WLS: variants seen among roughly 807,000 people sequenced by gnomAD.
The protein encoded by WLS is Wnt ligand secretion mediator.
Under a neutral mutation model 62.8 loss-of-function variants are expected in WLS, and 23 were observed. That is an observed-to-expected ratio of 0.37 (90% CI 0.26 to 0.52). The LOEUF (loss-of-function observed/expected upper bound fraction) is 0.52. Ranked by LOEUF, WLS falls within the 20% of genes least tolerant of loss-of-function variation. The probability of loss-of-function intolerance (pLI) is 0.92; values close to 1 mark genes in which losing one functional copy is unlikely to be tolerated. For missense variants in WLS, 615 were observed against 697.3 expected (o/e 0.88, Z 1.33); for synonymous variants, 246 against 244.1 (o/e 1.01, Z -0.07).
intron 11 of WLS, among the ~76,000 whole-genome samples, chr1:68,101,669 G>T (rs1646080157): frequency 6.6e-6 from 1 of 152,134 alleles, no homozygotes; most frequent in Non-Finnish European, 1.5e-5. Flanking sequence ...TTAAGATGCT[G>T]CTTACTAAAT....
At chr1:68,152,073 C>G (rs1429559530) in intron 5 of WLS, among the ~76,000 whole-genome samples, 1 of 152,138 alleles carries the variant, frequency 6.6e-6, no homozygotes, top group African/African-American at 2.4e-5. Context: ...TACAGGATGA[C>G]TCACTGCTAC....
intron 1 of WLS, chr1:68,231,681 G>A: frequency 2.2e-6 from 1 of 455,546 alleles, no homozygotes; most frequent in South Asian, 1.6e-5. Context: ...CCCTAGCAAA[G>A]ACGACCAAAT....
Position 68,193,965 on chromosome 1 carries a change from G to A in WLS, c.369C>T (p.Asn123=). ...ILQLDIAFKL[N]NQIRENAEVS... ...GAGAGTACACTTAACTGATTTGGTT[G>A]TTTAGCTTGAAGGCAATGTCCAGCT... The change falls in exon 2 of 12, where the codon AAC becomes AAT. Residue 123 remains asparagine, a synonymous_variant. Transcript: ENST00000262348. 6.2e-7 allele frequency: 1 copy of A among 1,613,770 alleles called. No homozygotes were observed. Among genetic ancestry groups the A allele is most frequent in the Non-Finnish European group, 8.5e-7 (1 of 1,179,728 alleles).
chr1:68,105,516 C>G (rs1646131852), intron 11 of WLS, among the ~76,000 whole-genome samples: 1 of 152,150 alleles, frequency 6.6e-6, no homozygotes, highest in Non-Finnish European at 1.5e-5. Flanking sequence ...TGAGTAGCAA[C>G]TTTGAAAATT....
intron 1 of WLS, among the ~76,000 whole-genome samples, chr1:68,207,351 T>C (rs1028540869): frequency 7.2e-5 from 11 of 152,164 alleles, no homozygotes; most frequent in Non-Finnish European, 1.5e-4. Context: ...ATGATAGAAA[T>C]AAGCTCAAGA....
At chr1:68,184,653 C>T (rs1010333934) in intron 2 of WLS, among the ~76,000 whole-genome samples, 6 of 152,188 alleles carry the variant, frequency 3.9e-5, no homozygotes, top group African/African-American at 1.4e-4. Context: ...TCCCATATCC[C>T]TAACAACTAG....
intron 2 of WLS, among the ~76,000 whole-genome samples, chr1:68,187,137 C>T (rs12741237): frequency 0.065 from 9,284 of 142,260 alleles, 347 homozygotes; most frequent in Middle Eastern, 0.15. Context: ...GGCATGAACC[C>T]GGGATCGTGC....
intron 2 of WLS, among the ~76,000 whole-genome samples, chr1:68,175,784 G>C (rs950265310): frequency 2.0e-5 from 3 of 152,186 alleles, no homozygotes; most frequent in Admixed American, 6.5e-5. Context: ...CTACAGGGCA[G>C]TGCTTGAGAA....
chr1:68,170,253 C>T (rs1391750934), intron 2 of WLS, among the ~76,000 whole-genome samples: 2 of 149,576 alleles, frequency 1.3e-5, no homozygotes, highest in Non-Finnish European at 1.5e-5. Context: ...GCAACCTTCG[C>T]CTCCTGGGTT....
chr1:68,199,549 TGC>T, intron 1 of WLS, among the ~76,000 whole-genome samples: 1 of 152,134 alleles, frequency 6.6e-6, no homozygotes, highest in Admixed American at 6.5e-5. Context: ...CAGATATCTG[TGC>T]TTGAATATTA....
chr1:68,161,767 G>C (rs1191583448), intron 2 of WLS: 1 of 1,599,050 alleles, frequency 6.3e-7, no homozygotes, highest in Non-Finnish European at 8.5e-7. Flanking sequence ...TTGCTCGTTG[G>C]AGTGCTCTCG....
chr1:68,219,218 C>T (rs1009148805), intron 1 of WLS, among the ~76,000 whole-genome samples: 6 of 152,324 alleles, frequency 3.9e-5, no homozygotes, highest in East Asian at 1.9e-4. Flanking sequence ...AATTATCTGG[C>T]TTTATGGCCA....
At chr1:68,229,025 A>C (rs1650292520) in intron 1 of WLS, among the ~76,000 whole-genome samples, 1 of 149,902 alleles carries the variant, frequency 6.7e-6, no homozygotes, top group Non-Finnish European at 1.5e-5. Context: ...CAAATCTAGA[A>C]GGCTACAACG....
chr1:68,148,146 G>A lies in WLS; in HGVS notation c.1124C>T (p.Thr375Ile). 6.2e-7 allele frequency: 1 copy of A among 1,614,174 alleles called. No individual in the cohort carries two copies. The highest frequency in any genetic ancestry group is 8.5e-7 in the Non-Finnish European group (1 of 1,180,026). Residue 375 changes from threonine to isoleucine, a missense_variant, in exon 8 of 12, where the codon ACA becomes ATA. Transcript: ENST00000262348. Reference protein sequence around the residue: ...FYSIWTTDIGTELAMAFIIVA... With the variant: ...FYSIWTTDIGIELAMAFIIVA... ...ATCAAGGAAGGATACGGCCAGCTCT[G>A]TTCCAATGTCTGTAGTCCAGATACT... is the stretch of plus-strand genomic sequence containing the variant.
Position 68,194,234 on chromosome 1 carries a change from A to G in WLS, c.107-7T>C. The G allele has an allele frequency of 6.2e-7, 1 of 1,612,626 alleles. No homozygotes were observed. Among genetic ancestry groups the G allele is most frequent in the South Asian group, 1.1e-5 (1 of 90,900 alleles). ...GCCGTTGTGGGCCCTGGAGCTGAAA[A>G]GAGAAAGTTTGTCTGTTTTAGAAAA... On this transcript the variant is annotated splice_polypyrimidine_tract_variant and splice_region_variant and intron_variant, in intron 1 of 11. Transcript: ENST00000262348.
At chr1:68,163,490 C>T (rs933674801) in intron 2 of WLS, among the ~76,000 whole-genome samples, 1 of 152,068 alleles carries the variant, frequency 6.6e-6, no homozygotes, top group Non-Finnish European at 1.5e-5. Flanking sequence ...TCCTCCGGGC[C>T]GCTCCCGAGC....
intron 11 of WLS, among the ~76,000 whole-genome samples, chr1:68,119,293 T>G (rs1557452839): frequency 6.6e-6 from 1 of 152,256 alleles, no homozygotes; most frequent in Non-Finnish European, 1.5e-5. Flanking sequence ...GAAAAACTTG[T>G]GTAAGAACAT....
At chr1:68,185,233 G>A (rs978325289) in intron 2 of WLS, among the ~76,000 whole-genome samples, 1 of 152,208 alleles carries the variant, frequency 6.6e-6, no homozygotes, top group African/African-American at 2.4e-5. Context: ...GTTGTGGCCT[G>A]TTATAAATAC....
At chr1:68,190,141 G>A (rs1006765979) in intron 2 of WLS, among the ~76,000 whole-genome samples, 13 of 152,124 alleles carry the variant, frequency 8.5e-5, no homozygotes, top group Admixed American at 2.6e-4. Context: ...GGCTAAGAGC[G>A]GTTCTGTAAC....
Sources: gnomAD v4.1 joint callset for allele counts (sites outside exome capture counted in the v4.1 genomes callset) on GRCh38, gnomAD v4.1.1 for gene constraint, MANE v1.5 for transcripts, NCBI Gene and HGNC (gene_info 2026-07-23, HGNC 2026-07-21) for gene names.